DISP1: variants seen among roughly 807,000 people sequenced by gnomAD.
DISP1 encodes the protein protein dispatched homolog 1.
Under a neutral mutation model 37.3 loss-of-function variants are expected in DISP1, and 30 were observed. That is an observed-to-expected ratio of 0.80 (90% CI 0.60 to 1.09). The LOEUF (loss-of-function observed/expected upper bound fraction) is 1.09, where lower values mean the gene tolerates loss of function less well. Among genes scored for constraint, DISP1 ranks in the 50% least tolerant of loss-of-function variants. The pLI, the probability that DISP1 is intolerant of heterozygous loss-of-function variation, is 0.00. For synonymous variants in DISP1, 634 were observed against 690.2 expected (o/e 0.92, Z 1.28); for missense variants, 1,598 against 1,879.5 (o/e 0.85, Z 2.77).
At chr1:222,989,372 G>A (rs1276402266) in intron 4 of DISP1, 1 of 985,306 alleles carries the variant, frequency 1.0e-6, no homozygotes, top group East Asian at 1.1e-4. Context: ...GAAGCCAGAA[G>A]TTTGCAGGAT....
chr1:222,822,923 C>G (rs891974669), intron 1 of DISP1, among the ~76,000 whole-genome samples: 1 of 152,166 alleles, frequency 6.6e-6, no homozygotes, highest in African/African-American at 2.4e-5. Context: ...TCTTTTGTCC[C>G]TTAACCTCTC....
chr1:222,923,718 C>T (rs916533402), intron 1 of DISP1, among the ~76,000 whole-genome samples: 3 of 152,078 alleles, frequency 2.0e-5, no homozygotes, highest in Admixed American at 6.6e-5. Context: ...GAATCACAGC[C>T]GCATTATAAG....
chr1:222,816,609 G>A (rs1032199190), intron 1 of DISP1, among the ~76,000 whole-genome samples: 1 of 152,158 alleles, frequency 6.6e-6, no homozygotes, highest in African/African-American at 2.4e-5. Flanking sequence ...TATTGGTACT[G>A]CGATATCTTG....
intron 3 of DISP1, among the ~76,000 whole-genome samples, chr1:222,963,396 A>G (rs1485000909): frequency 6.6e-6 from 1 of 152,208 alleles, no homozygotes; most frequent in Non-Finnish European, 1.5e-5. Context: ...CAGAAATACC[A>G]TTTGACCCAG....
chr1:222,944,752 T>G (rs1357022310), intron 3 of DISP1, among the ~76,000 whole-genome samples: 2 of 152,238 alleles, frequency 1.3e-5, no homozygotes, highest in Non-Finnish European at 2.9e-5. Flanking sequence ...CACTCTTTCG[T>G]GTTTGGCAAT....
chr1:222,965,879 A>G (rs967087396), intron 3 of DISP1, among the ~76,000 whole-genome samples: 1 of 152,162 alleles, frequency 6.6e-6, no homozygotes, highest in Non-Finnish European at 1.5e-5. Context: ...TTAAAAAAAA[A>G]TTACCTGGGC....
At chr1:222,959,713 A>G (rs561579206) in intron 3 of DISP1, among the ~76,000 whole-genome samples, 3,721 of 150,552 alleles carry the variant, frequency 0.025, 67 homozygotes, top group Non-Finnish European at 0.04. Context: ...AAAAAAAAAA[A>G]AAAGAAAGAA....
intron 3 of DISP1, among the ~76,000 whole-genome samples, chr1:222,979,316 G>A (rs981864346): frequency 1.3e-5 from 2 of 152,130 alleles, no homozygotes; most frequent in Non-Finnish European, 2.9e-5. Context: ...AGGAGGCTGA[G>A]GTGGGAGGAT....
chr1:222,818,730 T>C (rs1661909052), intron 1 of DISP1, among the ~76,000 whole-genome samples: 1 of 152,164 alleles, frequency 6.6e-6, no homozygotes, highest in Non-Finnish European at 1.5e-5. Flanking sequence ...CCTACCAACA[T>C]TACGGAAGGT....
intron 1 of DISP1, among the ~76,000 whole-genome samples, chr1:222,868,302 A>T (rs1669315028): frequency 6.6e-6 from 1 of 152,158 alleles, no homozygotes; most frequent in Non-Finnish European, 1.5e-5. Context: ...GTTGCAGAGT[A>T]ATATGTGTTA....
chr1:222,838,654 C>G (rs1325922914), intron 1 of DISP1, among the ~76,000 whole-genome samples: 3 of 152,132 alleles, frequency 2.0e-5, no homozygotes, highest in Non-Finnish European at 4.4e-5. Context: ...TGTCTGTAGT[C>G]TTATCCAGTC....
chr1:222,943,914 C>T (rs1371720636), intron 3 of DISP1, among the ~76,000 whole-genome samples: 1 of 152,044 alleles, frequency 6.6e-6, no homozygotes, highest in Non-Finnish European at 1.5e-5. Context: ...CCTATAATCC[C>T]AGCTACTCAG....
At chr1:222,823,676 AAAAT>A (rs1304662675) in intron 1 of DISP1, among the ~76,000 whole-genome samples, 1 of 152,236 alleles carries the variant, frequency 6.6e-6, no homozygotes, top group South Asian at 2.1e-4. Context: ...CAAATAAATA[AAAAT>A]AAATAAGTAA....
intron 1 of DISP1, among the ~76,000 whole-genome samples, chr1:222,869,946 C>A (rs570315051): frequency 2.6e-4 from 40 of 152,140 alleles, no homozygotes; most frequent in Middle Eastern, 3.4e-3. Context: ...CCTCTCCCCC[C>A]ACCCCACAAC....
intron 3 of DISP1, among the ~76,000 whole-genome samples, chr1:222,963,361 TG>T (rs1421542425): frequency 1.3e-5 from 2 of 152,232 alleles, no homozygotes; most frequent in Non-Finnish European, 2.9e-5. Context: ...GAAGACGGTA[TG>T]GCGATTCCTC....
In DISP1 at chr1:223,005,114, C is replaced by T. The variant is rs980143198; in HGVS notation, c.3717C>T (p.Leu1239=). The T allele has an allele frequency of 1.2e-6, 2 of 1,614,072 alleles. No homozygotes were observed. Among genetic ancestry groups the T allele is most frequent in the Non-Finnish European group, 1.7e-6 (2 of 1,180,034 alleles). ...MPVHAAYNSE[L]SKSTESDAGS... ...TGCATGCAGCTTACAACAGTGAACT[C>T]AGCAAAAGCACTGAAAGTGACGCTG... The change falls in exon 9 of 9, where the codon CTC becomes CTT. Residue 1239 remains leucine, a synonymous_variant. Coordinates refer to ENST00000675850, the MANE Select transcript of DISP1 (RefSeq NM_001377229.1).
intron 1 of DISP1, among the ~76,000 whole-genome samples, chr1:222,821,878 CAAAAAA>C (rs35160286): frequency 1.4e-5 from 1 of 73,590 alleles, no homozygotes; most frequent in African/African-American, 5.5e-5. Flanking sequence ...GACTCCATCT[CAAAAAA>C]AAAAAAAAAA....
chr1:222,877,307 A>C (rs1242222490), intron 1 of DISP1, among the ~76,000 whole-genome samples: 1 of 152,194 alleles, frequency 6.6e-6, no homozygotes, highest in Non-Finnish European at 1.5e-5. Context: ...GGAGGCTTAC[A>C]ATCATGGCGG....
chr1:222,983,147 T>C, intron 4 of DISP1, 38 bp downstream of exon 4: 1 of 1,473,258 alleles, frequency 6.8e-7, no homozygotes, highest in Non-Finnish European at 9.5e-7. Context: ...ATAATAAACT[T>C]ACCTGCATGC....
Sources: allele counts gnomAD v4.1 joint callset (sites outside exome capture counted in the v4.1 genomes callset), GRCh38; gene constraint gnomAD v4.1.1; transcripts MANE v1.5; gene names NCBI Gene and HGNC (gene_info 2026-07-23, HGNC 2026-07-21).